NINL: variants seen among roughly 807,000 people sequenced by gnomAD.
The protein encoded by NINL is ninein-like protein.
A neutral mutation model predicts 160.3 loss-of-function variants in NINL; 153 were observed. That is an observed-to-expected ratio of 0.95 (90% CI 0.84 to 1.09). The LOEUF (loss-of-function observed/expected upper bound fraction) is 1.09, where lower values mean the gene tolerates loss of function less well. NINL is among the 50% of genes least tolerant of loss of function. The pLI, the probability that NINL is intolerant of heterozygous loss-of-function variation, is 0.00. For synonymous variants in NINL, 800 were observed against 734.8 expected, an observed-to-expected ratio of 1.09 and a Z score of -1.43; for missense variants, 1,829 against 1,764.0, an observed-to-expected ratio of 1.04 and a Z score of -0.66.
intron 5 of NINL, among the ~76,000 whole-genome samples, chr20:25,508,104 T>C (rs2063997109): frequency 6.6e-6 from 1 of 152,222 alleles, no homozygotes; most frequent in Non-Finnish European, 1.5e-5. Context: ...CTTGGCTGAC[T>C]TTTCTCAGCA....
At chr20:25,562,177 G>T (rs373656549) in intron 1 of NINL, among the ~76,000 whole-genome samples, 1 of 139,004 alleles carries the variant, frequency 7.2e-6, no homozygotes, top group East Asian at 2.0e-4. Flanking sequence ...GAGGTGGGGG[G>T]TCAGCCCCCT....
chr20:25,476,809 C>T lies in NINL; in HGVS notation c.2482G>A (p.Ala828Thr). 6.2e-7 allele frequency: 1 copy of T among 1,613,060 alleles called. No homozygotes were observed. Among genetic ancestry groups the T allele is most frequent in the Non-Finnish European group, 8.5e-7 (1 of 1,179,924 alleles). ...GCCACCAGCCCATCTTTCGGCAGGG[C>T]CTGCATCTCTGCTTCCAGGGAGGGC... Reference protein sequence around the residue: ...DGPSLEAEMQALPKDGLVAGS... With the variant: ...DGPSLEAEMQTLPKDGLVAGS... The change falls in exon 17 of 24, where the codon GCC (alanine) becomes ACC (threonine). Residue 828 changes from alanine (A) to threonine (T), a missense_variant. Transcript: ENST00000278886.
At chr20:25,577,289 CCAAGTCTGTT>C (rs1055392881) in intron 1 of NINL, among the ~76,000 whole-genome samples, 150 of 152,290 alleles carry the variant, frequency 9.8e-4, no homozygotes, top group African/African-American at 3.5e-3. Flanking sequence ...ACACGCGTCC[CCAAGTCTGTT>C]CAAGGCCCTG....
intron 1 of NINL, among the ~76,000 whole-genome samples, chr20:25,544,886 T>C (rs1430495001): frequency 2.6e-5 from 4 of 152,236 alleles, no homozygotes; most frequent in Non-Finnish European, 5.9e-5. Context: ...AATGTTTAAA[T>C]AAACAAATCT....
At chr20:25,521,058 C>A (rs1279248416) in intron 2 of NINL, among the ~76,000 whole-genome samples, 1 of 152,188 alleles carries the variant, frequency 6.6e-6, no homozygotes, top group Non-Finnish European at 1.5e-5. Context: ...TACTTCTTCA[C>A]ATAATGCCCC....
chr20:25,572,165 C>T (rs1484090781), intron 1 of NINL, among the ~76,000 whole-genome samples: 4 of 151,728 alleles, frequency 2.6e-5, no homozygotes, highest in Non-Finnish European at 5.9e-5. Context: ...CTTTAAGTTG[C>T]CTAAGTTTAT....
chr20:25,580,393 C>T (rs1053080823), intron 1 of NINL, among the ~76,000 whole-genome samples: 2 of 151,780 alleles, frequency 1.3e-5, no homozygotes, highest in African/African-American at 4.8e-5. Flanking sequence ...AATCAATGCA[C>T]AAAAATTGGT....
chr20:25,525,959 G>C (rs910674557), intron 2 of NINL, among the ~76,000 whole-genome samples: 3 of 152,156 alleles, frequency 2.0e-5, no homozygotes, highest in Non-Finnish European at 4.4e-5. Context: ...TCTTTCAACA[G>C]TAGCTTGCAA....
In NINL at chr20:25,469,051, C is replaced by T. The variant is rs533774033; in HGVS notation, c.3353+940G>A. On this transcript the variant is annotated intron_variant, in intron 18 of 23. Coordinates refer to ENST00000278886, the MANE Select transcript of NINL (RefSeq NM_025176.6). ...GGTGGGTGCCCCACTGCCCTGTCCC[C>T]CAACTCTCACTGGTGGGTGCCCCAC... Among the ~76,000 whole-genome samples the T allele has an allele frequency of 3.4e-3, 483 of 141,152 alleles. 4 individuals carry two copies. Among genetic ancestry groups the T allele is most frequent in the African/African-American group, 0.011 (386 of 35,642 alleles). The allele number at this position is 141,152 out of a possible 152,430, so 92.6% of individuals were successfully genotyped here. A position where few individuals can be genotyped will look rare whatever the true frequency, so the allele number is the denominator to read the frequency against.
At chr20:25,567,105 CAA>C (rs200134052) in intron 1 of NINL, among the ~76,000 whole-genome samples, 1 of 150,346 alleles carries the variant, frequency 6.7e-6, no homozygotes, top group African/African-American at 2.4e-5. Context: ...GACCCTGTCT[CAA>C]AAAAAAAATT....
chr20:25,485,343 G>T (rs1381992422), intron 13 of NINL, among the ~76,000 whole-genome samples: 1 of 152,216 alleles, frequency 6.6e-6, no homozygotes, highest in East Asian at 1.9e-4. Context: ...TTTAAAGCCT[G>T]TATCAATTTG....
chr20:25,478,920 G>C lies in NINL; in HGVS notation c.2201+3C>G, dbSNP rs374853768. 7.9e-6 allele frequency: 12 copies of C among 1,524,906 alleles called. No homozygotes were observed. The highest frequency in any genetic ancestry group is 4.2e-5 in the Admixed American group (2 of 47,860). 94.5% of individuals were successfully genotyped at this position (1,524,906 alleles called of 1,614,324 possible). A position where few individuals can be genotyped will look rare whatever the true frequency, so the allele number is the denominator to read the frequency against. On this transcript the variant is annotated splice_donor_region_variant and intron_variant, in intron 16 of 23. Coordinates refer to ENST00000278886, the MANE Select transcript of NINL (RefSeq NM_025176.6). ...TTGAAATCTCAAAAGAAGCTGGCTG[G>C]ACCTGATCTGCTGCAGGTGGCTGTG...
At chr20:25,522,772 C>CT (rs768477429) in intron 2 of NINL, among the ~76,000 whole-genome samples, 2 of 152,214 alleles carry the variant, frequency 1.3e-5, no homozygotes, top group Non-Finnish European at 2.9e-5. Flanking sequence ...CCACACTTGT[C>CT]TGTTTTCTTG....
In NINL at chr20:25,478,960, G is replaced by C. The variant is rs370600640; in HGVS notation, c.2164C>G (p.Leu722Val). 10 of 1,586,076 alleles carry C rather than the reference G, an allele frequency of 6.3e-6. No homozygotes were observed. The highest frequency in any genetic ancestry group is 7.7e-6 in the Non-Finnish European group (9 of 1,166,688). ...APCCTQALCG[L>V]ALRHHSHLQQ... is the part of the protein sequence containing the mutation. ...AGGTGGCTGTGATGCCGCAGGGCCAGGCCACACAGTGCCTGGGTGCAGCAG... is the reference window on the plus strand; with the variant it reads ...AGGTGGCTGTGATGCCGCAGGGCCACGCCACACAGTGCCTGGGTGCAGCAG... Residue 722 changes from leucine to valine, a missense_variant, in exon 16 of 24, where the codon CTG (leucine) becomes GTG (valine). Leu to Val is a conservative substitution (Grantham distance 32). Coordinates refer to ENST00000278886, the MANE Select transcript of NINL (RefSeq NM_025176.6).
chr20:25,487,043 C>A (rs2063517618), intron 13 of NINL, among the ~76,000 whole-genome samples: 1 of 152,140 alleles, frequency 6.6e-6, no homozygotes, highest in Non-Finnish European at 1.5e-5. Flanking sequence ...GTGATGTGGC[C>A]TTAAGATTCA....
intron 4 of NINL, among the ~76,000 whole-genome samples, chr20:25,511,843 C>T (rs954538237): frequency 6.6e-6 from 1 of 152,348 alleles, no homozygotes; most frequent in East Asian, 1.9e-4. Context: ...TTTGTCTCCA[C>T]AAATGTTGAA....
intron 22 of NINL, among the ~76,000 whole-genome samples, chr20:25,456,691 G>A (rs148493588): frequency 0.038 from 5,775 of 152,330 alleles, 142 homozygotes; most frequent in Non-Finnish European, 0.06. Flanking sequence ...AGCACTTTGG[G>A]AGGCCAAGGC....
intron 1 of NINL, among the ~76,000 whole-genome samples, chr20:25,532,498 C>T (rs2064482585): frequency 6.6e-6 from 1 of 152,230 alleles, no homozygotes; most frequent in Non-Finnish European, 1.5e-5. Flanking sequence ...AGCTCTGCTC[C>T]ACTGTCCCCA....
intron 8 of NINL, chr20:25,499,226 T>C: frequency 1.0e-6 from 1 of 985,202 alleles, no homozygotes; most frequent in Non-Finnish European, 1.2e-6. Flanking sequence ...TGGAAAGCTG[T>C]CCCTACACAA....
Sources: allele counts gnomAD v4.1 joint callset (sites outside exome capture counted in the v4.1 genomes callset), GRCh38; gene constraint gnomAD v4.1.1; transcripts MANE v1.5; gene names NCBI Gene and HGNC (gene_info 2026-07-23, HGNC 2026-07-21).